Variants in ITPKB observed in about 807,000 individuals in gnomAD.
ITPKB encodes inositol-trisphosphate 3-kinase B, also known as IP3 3-kinase B.
In ITPKB, 13 loss-of-function variants were observed where a neutral mutation model predicts 69.4. That is an observed-to-expected ratio of 0.19 (90% CI 0.12 to 0.30). The LOEUF is 0.30. Among genes scored for constraint, ITPKB ranks in the 10% least tolerant of loss-of-function variants. The probability of loss-of-function intolerance (pLI) is 1.00; values close to 1 mark genes in which losing one functional copy is unlikely to be tolerated. For synonymous variants in ITPKB, 584 were observed against 513.7 expected, an observed-to-expected ratio of 1.14 and a Z score of -1.85; for missense variants, 1,240 against 1,250.5, an observed-to-expected ratio of 0.99 and a Z score of 0.13.
At chr1:226,733,144 G>T (rs1475801569) in intron 2 of ITPKB, among the ~76,000 whole-genome samples, 1 of 152,150 alleles carries the variant, frequency 6.6e-6, no homozygotes, top group East Asian at 1.9e-4. Context: ...GCATAGGAGG[G>T]TAAGTGTGAG....
chr1:226,718,253 C>A (rs567679032), intron 2 of ITPKB, among the ~76,000 whole-genome samples: 7 of 146,654 alleles, frequency 4.8e-5, no homozygotes, highest in Non-Finnish European at 8.9e-5. Context: ...AAGATCGCAC[C>A]ACTGCACTCC....
intron 6 of ITPKB, among the ~76,000 whole-genome samples, chr1:226,638,423 C>T (rs950973761): frequency 4.6e-5 from 7 of 152,204 alleles, no homozygotes; most frequent in African/African-American, 7.2e-5. Context: ...CTTGGAGAAA[C>T]GGCTGCCTGG....
intron 2 of ITPKB, among the ~76,000 whole-genome samples, chr1:226,698,537 C>T (rs1338544343): frequency 6.6e-6 from 1 of 152,228 alleles, no homozygotes; most frequent in Non-Finnish European, 1.5e-5. Flanking sequence ...GCCAAGGTGA[C>T]AGGAATTGTT....
At chr1:226,721,074 T>G (rs1281394175) in intron 2 of ITPKB, among the ~76,000 whole-genome samples, 2 of 149,020 alleles carry the variant, frequency 1.3e-5, no homozygotes, top group Non-Finnish European at 3.0e-5. Flanking sequence ...CCGGGCGCAG[T>G]GGTTCACGCC....
chr1:226,632,680 T>G lies in ITPKB; in HGVS notation c.*1991A>C, dbSNP rs902412635. The G allele has an allele frequency of 3.9e-5, 6 of 152,694 alleles. No individual in the cohort carries two copies. The highest frequency in any genetic ancestry group is 1.4e-4 in the African/African-American group (6 of 41,464). 9.5% of individuals were successfully genotyped at this position (152,694 alleles called of 1,614,324 possible). On this transcript the variant is annotated 3_prime_UTR_variant, in exon 8 of 8. Coordinates refer to ENST00000429204, the MANE Select transcript of ITPKB (RefSeq NM_002221.4). Reference sequence around the variant, plus strand: ...GCACATCATTTGCATATTAGCACATTGTTTGCAAACAGCTGGTGTCTGCCT... The same window carrying G: ...GCACATCATTTGCATATTAGCACATGGTTTGCAAACAGCTGGTGTCTGCCT...
chr1:226,658,586 C>T (rs989397472), intron 2 of ITPKB, among the ~76,000 whole-genome samples: 1 of 152,182 alleles, frequency 6.6e-6, no homozygotes, highest in Non-Finnish European at 1.5e-5. Flanking sequence ...GAAAATCCCC[C>T]TAAATGCCAA....
In ITPKB at chr1:226,641,835, C is replaced by T; in HGVS notation, c.2451+86G>A. On this transcript the variant is annotated intron_variant, in intron 5 of 7. Transcript: ENST00000429204. This position sits in a 1 kb window ranked among gnomAD's most constrained non-coding sequence, Gnocchi z 4.6. ...CTGAGCCTGTGCCTGGAGAAGCTTA[C>T]AGCTTCCAAAGGGCGCTGAGAGAAG... The T allele has an allele frequency of 9.6e-6, 12 of 1,255,698 alleles. No individual in the cohort carries two copies. The South Asian group carries it at 1.2e-4, about 13-fold the overall frequency. 77.8% of individuals were successfully genotyped at this position (1,255,698 alleles called of 1,614,324 possible). A position where few individuals can be genotyped will look rare whatever the true frequency, so the allele number is the denominator to read the frequency against.
Position 226,637,924 on chromosome 1 carries a change from G to A in ITPKB, c.2554-174C>T, listed in dbSNP as rs937981980. 1.5e-4 allele frequency among the ~76,000 whole-genome samples: 23 copies of A among 152,230 alleles called. No homozygotes were observed. The highest frequency in any genetic ancestry group is 5.3e-4 in the African/African-American group (22 of 41,464). ...CTGTGGCGTCTTTCTCAGCATAAATGTCAGTACCTTTGACTTTTGAAAGGA... is the reference window on the plus strand; with the variant it reads ...CTGTGGCGTCTTTCTCAGCATAAATATCAGTACCTTTGACTTTTGAAAGGA... On this transcript the variant is annotated intron_variant, in intron 6 of 7. Coordinates refer to ENST00000429204, the MANE Select transcript of ITPKB (RefSeq NM_002221.4). This position sits in a 1 kb window ranked among gnomAD's most constrained non-coding sequence, Gnocchi z 4.3.
In ITPKB at chr1:226,682,984, C is replaced by T. The variant is rs143901559; in HGVS notation, c.1933-34213G>A. ...TTGTGTCACCCTGGATTGTGTCATC[C>T]GAAGCAGCTCTGCCCAAGACAGGTC... On this transcript the variant is annotated intron_variant, in intron 2 of 7. Coordinates refer to ENST00000429204, the MANE Select transcript of ITPKB (RefSeq NM_002221.4). Among the ~76,000 whole-genome samples the T allele has an allele frequency of 3.8e-3, 578 of 152,294 alleles. 4 individuals carry two copies. Among genetic ancestry groups the T allele is most frequent in the African/African-American group, 0.013 (555 of 41,560 alleles).
intron 2 of ITPKB, among the ~76,000 whole-genome samples, chr1:226,714,079 C>T (rs1248382922): frequency 6.6e-6 from 1 of 152,196 alleles, no homozygotes; most frequent in East Asian, 1.9e-4. Flanking sequence ...CAGGTATGAG[C>T]CTCTGACATC....
chr1:226,712,025 C>T (rs975681445), intron 2 of ITPKB, among the ~76,000 whole-genome samples: 11 of 152,144 alleles, frequency 7.2e-5, no homozygotes, highest in African/African-American at 1.2e-4. Flanking sequence ...CTCAGAGCTC[C>T]GGGAGAAGGG....
chr1:226,637,656 G>C lies in ITPKB; in HGVS notation c.2625+23C>G, dbSNP rs767276853. The C allele has an allele frequency of 6.3e-7, 1 of 1,584,410 alleles. No homozygotes were observed. The highest frequency in any genetic ancestry group is 1.1e-5 in the South Asian group (1 of 90,252). Reference sequence around the variant, plus strand: ...TTGGCACGCGCAGCATTCTGCTCAAGAGGGCAAAAGCCCAGTATCTACCTC... The same window carrying C: ...TTGGCACGCGCAGCATTCTGCTCAACAGGGCAAAAGCCCAGTATCTACCTC... On this transcript the variant is annotated intron_variant, in intron 7 of 7. Coordinates refer to ENST00000429204, the MANE Select transcript of ITPKB (RefSeq NM_002221.4). The surrounding 1 kb of genome is among the most constrained non-coding windows in gnomAD (Gnocchi z 4.3).
chr1:226,724,371 A>G (rs1313341620), intron 2 of ITPKB, among the ~76,000 whole-genome samples: 2 of 152,120 alleles, frequency 1.3e-5, no homozygotes, highest in Non-Finnish European at 2.9e-5. Flanking sequence ...AGTCAGCAAC[A>G]CTGCCTCAGA....
Position 226,642,098 on chromosome 1 carries a change from C to T in ITPKB, c.2274G>A (p.Lys758=). ...IRTYLEEELT[K]ARKKPSLRKD... is the part of the protein sequence containing the mutation. ...TCCGCAGGCTGGGCTTCTTCCGGGC[C>T]TTCGTGAGCTCCTCCTCCAGGTAGG... Residue 758 remains lysine, a synonymous_variant, in exon 5 of 8, where the codon AAG becomes AAA. Transcript: ENST00000429204. The surrounding 1 kb of genome is among the most constrained non-coding windows in gnomAD (Gnocchi z 6.4). 6.2e-7 allele frequency: 1 copy of T among 1,613,984 alleles called. No individual in the cohort carries two copies. Among genetic ancestry groups the T allele is most frequent in the South Asian group, 1.1e-5 (1 of 91,076 alleles).
At chr1:226,700,867 A>G (rs781703160) in intron 2 of ITPKB, among the ~76,000 whole-genome samples, 14 of 152,236 alleles carry the variant, frequency 9.2e-5, no homozygotes, top group Middle Eastern at 3.2e-3. Context: ...GAAGCTCAGA[A>G]GAAATTCACC....
rs750391925 is a variant in ITPKB, at chr1:226,634,378, GGGT to G, written c.*290_*292del. 7 of 396,684 alleles carry G rather than the reference GGGT, an allele frequency of 1.8e-5. No homozygotes were observed. The highest frequency in any genetic ancestry group is 3.2e-5 in the Non-Finnish European group (7 of 216,816). 24.6% of individuals were successfully genotyped at this position (396,684 alleles called of 1,614,324 possible). ...TCCCAGAGGCAGGGCTCATCTGGTA[GGGT>G]CCCCTCAGCAGCCAGGGACCCCCTC... On this transcript the variant is annotated 3_prime_UTR_variant, in exon 8 of 8. Transcript: ENST00000429204. The surrounding 1 kb of genome is among the most constrained non-coding windows in gnomAD (Gnocchi z 6.3).
chr1:226,672,494 A>G (rs1669636006), intron 2 of ITPKB, among the ~76,000 whole-genome samples: 1 of 152,182 alleles, frequency 6.6e-6, no homozygotes, highest in East Asian at 1.9e-4. Context: ...ACAAAGGCCA[A>G]ACAGAGCACT....
At chr1:226,660,668 A>C (rs529104981) in intron 2 of ITPKB, among the ~76,000 whole-genome samples, 133 of 152,076 alleles carry the variant, frequency 8.7e-4, no homozygotes, top group Non-Finnish European at 1.3e-3. Context: ...GGGGCCTCGC[A>C]GAGCTCACAC....
At chr1:226,719,810 C>T (rs930793965) in intron 2 of ITPKB, among the ~76,000 whole-genome samples, 1 of 152,208 alleles carries the variant, frequency 6.6e-6, no homozygotes, top group African/African-American at 2.4e-5. Context: ...CATCTGGACA[C>T]GTGCAGATCC....
Sources: allele counts gnomAD v4.1 joint callset (sites outside exome capture counted in the v4.1 genomes callset), GRCh38; gene constraint gnomAD v4.1.1; non-coding constraint Gnocchi (gnomAD v3.1); transcripts MANE v1.5; gene names NCBI Gene and HGNC (gene_info 2026-07-23, HGNC 2026-07-21).